Variants in FCGR2B observed in about 807,000 individuals in gnomAD.
FCGR2B encodes the protein Fc gamma receptor IIb, also known as low affinity immunoglobulin gamma Fc region receptor II-b.
A neutral mutation model predicts 24.8 loss-of-function variants in FCGR2B; 18 were observed. The ratio of observed to expected loss-of-function variants is 0.73; its 90% confidence interval spans 0.50 to 1.08. FCGR2B has a LOEUF of 1.08. Among genes scored for constraint, FCGR2B ranks in the 50% least tolerant of loss-of-function variants. The pLI, the probability that FCGR2B is intolerant of heterozygous loss-of-function variation, is 0.00. For missense variants in FCGR2B, 215 were observed against 297.6 expected, an observed-to-expected ratio of 0.72 and a Z score of 2.04; for synonymous variants, 79 against 109.8, an observed-to-expected ratio of 0.72 and a Z score of 1.75.
intron 6 of FCGR2B, 139 bp downstream of exon 6, chr1:161,675,452 A>C (rs1464409713): frequency 1.4e-5 from 8 of 587,830 alleles, no homozygotes; most frequent in Middle Eastern, 4.4e-4. Flanking sequence ...TGGGGCTCAA[A>C]TCGCTTGGTC....
At chr1:161,671,311 T>A (rs1681634117) in intron 2 of FCGR2B, 81 bp from the exon 3 acceptor site, 14 of 1,606,612 alleles carry the variant, frequency 8.7e-6, no homozygotes, top group Non-Finnish European at 1.2e-5. Context: ...GGCCTACAGG[T>A]GCTTTTTTGT....
the FCGR2B span, among the ~76,000 whole-genome samples, chr1:161,651,075 C>T: frequency 4.1e-5 from 4 of 98,116 alleles, no homozygotes; most frequent in African/African-American, 1.4e-4. Context: ...CCTGGTAAGT[C>T]GTGATGAAAC....
Position 161,677,814 on chromosome 1 carries a change from A to G in FCGR2B, c.*261A>G, listed in dbSNP as rs979617169. 12 of 463,202 alleles carry G rather than the reference A, an allele frequency of 2.6e-5. No homozygotes were observed. The highest frequency in any genetic ancestry group is 4.6e-5 in the Non-Finnish European group (12 of 262,858). The allele number at this position is 463,202 out of a possible 1,614,324, so 28.7% of individuals were successfully genotyped here. On this transcript the variant is annotated 3_prime_UTR_variant, in exon 8 of 8. Coordinates refer to ENST00000358671, the MANE Select transcript of FCGR2B (RefSeq NM_001394477.1). ...CTTCCGTTCCACATCCACACAGCCA[A>G]TCCAATTAATCAAACCACTGTTATT...
At chr1:161,650,040 C>G in the FCGR2B span, among the ~76,000 whole-genome samples, 2 of 150,494 alleles carry the variant, frequency 1.3e-5, 1 homozygote, top group African/African-American at 4.9e-5. Flanking sequence ...CAGAGTCTCA[C>G]TCTGTTGCCC....
intron 6 of FCGR2B, chr1:161,675,928 T>A (rs1235497952): frequency 4.3e-6 from 1 of 232,802 alleles, no homozygotes; most frequent in Non-Finnish European, 8.5e-6. Flanking sequence ...TTGGCCTGGT[T>A]CTGCCCTCAT....
In FCGR2B at chr1:161,677,752, C is replaced by T. The variant is rs1023302286; in HGVS notation, c.*199C>T. 3 of 557,146 alleles carry T rather than the reference C, an allele frequency of 5.4e-6. No individual in the cohort carries two copies. In the African/African-American group the frequency reaches 5.7e-5, roughly 11 times the overall value. The allele number at this position is 557,146 out of a possible 1,614,324, so 34.5% of individuals were successfully genotyped here. On this transcript the variant is annotated 3_prime_UTR_variant, in exon 8 of 8. Coordinates refer to ENST00000358671, the MANE Select transcript of FCGR2B (RefSeq NM_001394477.1). ...CAATATGGTCCCAAATAACCGACTG[C>T]ACCTTCTGTGCTTCAGCTCTTCTTG...
the FCGR2B span, among the ~76,000 whole-genome samples, chr1:161,656,309 AT>A: frequency 7.0e-6 from 1 of 142,366 alleles, no homozygotes; most frequent in African/African-American, 2.5e-5. Context: ...TCATTTCTTC[AT>A]TTCTTCCTCC....
In FCGR2B at chr1:161,677,592, G is replaced by C; in HGVS notation, c.*39G>C. 1.3e-6 allele frequency: 2 copies of C among 1,481,698 alleles called. No homozygotes were observed. The highest frequency in any genetic ancestry group is 2.3e-5 in the South Asian group (2 of 87,750). The allele number at this position is 1,481,698 out of a possible 1,614,324, so 91.8% of individuals were successfully genotyped here. A position where few individuals can be genotyped will look rare whatever the true frequency, so the allele number is the denominator to read the frequency against. On this transcript the variant is annotated 3_prime_UTR_variant, in exon 8 of 8. Transcript: ENST00000358671. The stretch of plus-strand genomic sequence containing the variant: ...GCATTGGGATTTGAGAAGAAAATCA[G>C]AGAGGGAAGATCTGGTATTTCCTGG...
chr1:161,650,118 C>A, the FCGR2B span, among the ~76,000 whole-genome samples: 1 of 149,726 alleles, frequency 6.7e-6, no homozygotes, highest in South Asian at 2.1e-4. Context: ...AGTGATTCTC[C>A]TGCTTCAGCC....
the FCGR2B span, among the ~76,000 whole-genome samples, chr1:161,649,927 T>G: frequency 6.6e-6 from 1 of 150,384 alleles, no homozygotes; most frequent in Non-Finnish European, 1.5e-5. Context: ...ATTTGAAGGA[T>G]TTTGTCTTAG....
the FCGR2B span, among the ~76,000 whole-genome samples, chr1:161,651,920 C>G: frequency 3.0e-5 from 3 of 100,004 alleles, 1 homozygote; most frequent in Admixed American, 1.2e-4. Flanking sequence ...GCAACAAGAG[C>G]GAAACTCCAT....
At chr1:161,647,541 T>C in the FCGR2B span, among the ~76,000 whole-genome samples, 3 of 150,286 alleles carry the variant, frequency 2.0e-5, no homozygotes, top group Non-Finnish European at 4.4e-5. Flanking sequence ...CCTCAGGTGA[T>C]TCCCCCCACC....
At chr1:161,670,994 G>A (rs1380217980) in intron 2 of FCGR2B, among the ~76,000 whole-genome samples, 1 of 151,592 alleles carries the variant, frequency 6.6e-6, no homozygotes, top group Admixed American at 6.6e-5. Flanking sequence ...ATCCACTAGT[G>A]TCTAAATGCC....
At position 161,678,492 on chromosome 1, in the gene FCGR2B, C is replaced by T. The variant is rs545753893; in HGVS notation, c.*939C>T. On this transcript the variant is annotated 3_prime_UTR_variant, in exon 8 of 8. Coordinates refer to ENST00000358671, the MANE Select transcript of FCGR2B (RefSeq NM_001394477.1). ...ACACCATTTAGGTTTGTATAAGTAC[C>T]TGCTATGATGTTCACACAACAAAAT... 4.6e-6 allele frequency: 1 copy of T among 217,358 alleles called. No individual in the cohort carries two copies. The highest frequency in any genetic ancestry group is 2.2e-5 in the African/African-American group (1 of 44,544). 13.5% of individuals were successfully genotyped at this position (217,358 alleles called of 1,614,324 possible).
intron 1 of FCGR2B, among the ~76,000 whole-genome samples, chr1:161,669,298 C>T (rs1378189147): frequency 3.0e-5 from 4 of 134,500 alleles, no homozygotes; most frequent in African/African-American, 5.1e-5. Context: ...GGGCGGGGAA[C>T]GGTGGCTCAC....
chr1:161,661,216 A>AAGAG (rs1681025245), upstream of FCGR2B, among the ~76,000 whole-genome samples: 3 of 101,024 alleles, frequency 3.0e-5, no homozygotes, highest in Non-Finnish European at 6.6e-5. Flanking sequence ...GAAAGAAAGA[A>AAGAG]AGAAAGAAAG....
At chr1:161,671,355 C>G in intron 2 of FCGR2B, 37 bp from the exon 3 acceptor site, 1 of 1,614,122 alleles carries the variant, frequency 6.2e-7, no homozygotes, top group Admixed American at 1.7e-5. Context: ...TCCTGGGCTT[C>G]CTCTTCTTCA....
chr1:161,676,061 G>C (rs1682101598), intron 6 of FCGR2B: 1 of 231,470 alleles, frequency 4.3e-6, no homozygotes, highest in South Asian at 1.8e-4. Context: ...GAGAACCAGG[G>C]GCCACCCAAG....
At position 161,669,600 on chromosome 1, in the gene FCGR2B, A is replaced by C. The variant is rs898875541; in HGVS notation, c.113-652A>C. 2.8e-5 allele frequency among the ~76,000 whole-genome samples: 4 copies of C among 142,588 alleles called. 1 individual carries two copies. Among genetic ancestry groups the C allele is most frequent in the African/African-American group, 9.9e-5 (4 of 40,484 alleles). 93.5% of individuals were successfully genotyped at this position (142,588 alleles called of 152,430 possible). On this transcript the variant is annotated intron_variant, in intron 1 of 7. Transcript: ENST00000358671. ...AAAATAAAATAAAATAAAATAAAAT[A>C]AAATAAAATAAAATAAAATAAAATG...
Sources: gnomAD v4.1 joint callset for allele counts (sites outside exome capture counted in the v4.1 genomes callset) on GRCh38, gnomAD v4.1.1 for gene constraint, MANE v1.5 for transcripts, NCBI Gene and HGNC (gene_info 2026-07-23, HGNC 2026-07-21) for gene names.